Variants in CHODL observed in about 807,000 individuals in gnomAD.
CHODL encodes transmembrane protein MT75.
Under a neutral mutation model 34.5 loss-of-function variants are expected in CHODL, and 29 were observed. The observed-to-expected ratio is 0.84, with a 90% CI of 0.63 to 1.15. The LOEUF (loss-of-function observed/expected upper bound fraction) is 1.15, where lower values mean the gene tolerates loss of function less well. Ranked by LOEUF, CHODL falls within the 50% of genes most tolerant of loss-of-function variation. CHODL has a pLI of 0.00. For missense variants in CHODL, 332 were observed against 332.5 expected (o/e 1.00, Z 0.01); for synonymous variants, 125 against 116.1 (o/e 1.08, Z -0.49).
At chr21:18,171,453 C>A (rs1242016490) in intron 2 of CHODL, among the ~76,000 whole-genome samples, 1 of 150,300 alleles carries the variant, frequency 6.7e-6, no homozygotes, top group Non-Finnish European at 1.5e-5. Flanking sequence ...ATGATCCACC[C>A]GCCTCGGCCT....
At chr21:18,238,991 C>T (rs2074056012) in intron 2 of CHODL, among the ~76,000 whole-genome samples, 1 of 151,994 alleles carries the variant, frequency 6.6e-6, no homozygotes, top group South Asian at 2.1e-4. Flanking sequence ...ATTAAGACTA[C>T]CTTATGAATT....
chr21:18,262,664 G>A, intron 4 of CHODL, 127 bp from the exon 5 acceptor site: 1 of 614,956 alleles, frequency 1.6e-6, no homozygotes, highest in South Asian at 2.0e-5. Flanking sequence ...AATATTTTGA[G>A]AAGAACTTTG....
intron 2 of CHODL, among the ~76,000 whole-genome samples, chr21:18,223,284 G>A (rs1568943703): frequency 1.3e-5 from 2 of 152,080 alleles, no homozygotes; most frequent in Non-Finnish European, 2.9e-5. Flanking sequence ...AGAAAATGAT[G>A]GAAAAGATGT....
chr21:18,243,048 G>C (rs1262501077), upstream of CHODL, among the ~76,000 whole-genome samples: 1 of 152,138 alleles, frequency 6.6e-6, no homozygotes, highest in African/African-American at 2.4e-5. Flanking sequence ...ATCCCCTTCA[G>C]AACCCTAGTT....
intron 2 of CHODL, among the ~76,000 whole-genome samples, chr21:18,228,705 ATTGAT>A (rs2073953355): frequency 6.6e-6 from 1 of 152,176 alleles, no homozygotes; most frequent in African/African-American, 2.4e-5. Context: ...ATTTAGATTG[ATTGAT>A]TTATCAACAA....
In CHODL at chr21:18,056,066, A is replaced by AT. The variant is rs990130699; in HGVS notation, c.-45+28102dup. ...TTCCTGTCTTGAAGCACTATCTTAG[A>AT]TTTTTTTGGTTGTTTCTTGATAAAG... On this transcript the variant is annotated intron_variant, in intron 2 of 6. Transcript: ENST00000400127. 5.5e-4 allele frequency among the ~76,000 whole-genome samples: 83 copies of AT among 151,890 alleles called. 1 individual carries two copies. Among genetic ancestry groups the AT allele is most frequent in the Admixed American group, 1.7e-3 (26 of 15,226 alleles).
At chr21:18,247,652 C>T (rs2074158173) in intron 1 of CHODL, among the ~76,000 whole-genome samples, 1 of 151,978 alleles carries the variant, frequency 6.6e-6, no homozygotes, top group African/African-American at 2.4e-5. Flanking sequence ...GGTCAGTGGT[C>T]ATGATTATTT....
chr21:18,110,563 G>A, intron 2 of CHODL, among the ~76,000 whole-genome samples: 1 of 108,708 alleles, frequency 9.2e-6, no homozygotes, highest in East Asian at 4.8e-4. Context: ...ACCTACAGCT[G>A]ATACCTGCCA....
intron 2 of CHODL, among the ~76,000 whole-genome samples, chr21:18,189,082 G>C (rs2073479344): frequency 4.6e-5 from 7 of 152,090 alleles, no homozygotes. Flanking sequence ...ACAAGTGTGA[G>C]GACTTTCTCT....
intron 1 of CHODL, among the ~76,000 whole-genome samples, chr21:17,934,800 TTTG>T (rs2063306372): frequency 6.6e-6 from 1 of 152,202 alleles, no homozygotes; most frequent in African/African-American, 2.4e-5. Context: ...TTTGTTTGAT[TTTG>T]TTTTCTGAAA....
intron 1 of CHODL, among the ~76,000 whole-genome samples, chr21:18,003,919 C>T (rs1045816633): frequency 3.9e-5 from 6 of 152,100 alleles, no homozygotes; most frequent in Admixed American, 3.9e-4. Flanking sequence ...GAATAATTCT[C>T]ATTATATATT....
intron 2 of CHODL, among the ~76,000 whole-genome samples, chr21:18,229,090 C>T (rs969808538): frequency 1.3e-5 from 2 of 151,914 alleles, no homozygotes; most frequent in Non-Finnish European, 2.9e-5. Flanking sequence ...GTAAAAACAA[C>T]AGACAATAGC....
chr21:17,954,312 A>C (rs1184904121), intron 1 of CHODL, among the ~76,000 whole-genome samples: 1 of 152,190 alleles, frequency 6.6e-6, no homozygotes, highest in African/African-American at 2.4e-5. Context: ...ACCCAAGAAC[A>C]TAGTTGCAAA....
At chr21:17,981,507 G>A (rs577748216) in intron 1 of CHODL, among the ~76,000 whole-genome samples, 1 of 152,252 alleles carries the variant, frequency 6.6e-6, no homozygotes, top group East Asian at 1.9e-4. Flanking sequence ...AACTGATGGG[G>A]CTCAGGTTAA....
intron 2 of CHODL, among the ~76,000 whole-genome samples, chr21:18,235,007 G>A (rs2074016139): frequency 6.6e-6 from 1 of 152,120 alleles, no homozygotes; most frequent in African/African-American, 2.4e-5. Context: ...GAAAAGAAGA[G>A]ACAATTTTAG....
chr21:17,942,330 G>A (rs1361138574), intron 1 of CHODL, among the ~76,000 whole-genome samples: 1 of 152,138 alleles, frequency 6.6e-6, no homozygotes, highest in Non-Finnish European at 1.5e-5. Context: ...AATCATGGGG[G>A]TGGGTCTTTT....
chr21:17,952,074 G>A (rs1362933500), intron 1 of CHODL, among the ~76,000 whole-genome samples: 1 of 150,940 alleles, frequency 6.6e-6, no homozygotes, highest in Non-Finnish European at 1.5e-5. Flanking sequence ...TCTCTAGCCA[G>A]GCACATGGTG....
intron 2 of CHODL, among the ~76,000 whole-genome samples, chr21:18,205,405 T>G (rs749700345): frequency 2.6e-5 from 4 of 152,246 alleles, no homozygotes; most frequent in Non-Finnish European, 5.9e-5. Context: ...TTGTATATGT[T>G]GAACCATCCT....
chr21:18,183,826 A>C (rs2073409808), intron 2 of CHODL, among the ~76,000 whole-genome samples: 1 of 152,232 alleles, frequency 6.6e-6, no homozygotes, highest in African/African-American at 2.4e-5. Context: ...TCTGAAGAAA[A>C]AGAAACGATC....
Sources: allele counts gnomAD v4.1 joint callset (sites outside exome capture counted in the v4.1 genomes callset), GRCh38; gene constraint gnomAD v4.1.1; transcripts MANE v1.5; gene names NCBI Gene and HGNC (gene_info 2026-07-23, HGNC 2026-07-21).